PTPRN2: variants seen among roughly 807,000 people sequenced by gnomAD.
The protein encoded by PTPRN2 is receptor-type tyrosine-protein phosphatase N2.
A neutral mutation model predicts 118.8 loss-of-function variants in PTPRN2; 74 were observed. The observed-to-expected ratio is 0.62, with a 90% confidence interval of 0.52 to 0.76. The LOEUF (loss-of-function observed/expected upper bound fraction) is 0.76. PTPRN2 is among the 30% of genes least tolerant of loss of function. The probability of loss-of-function intolerance (pLI) is 0.00; values close to 1 mark genes in which losing one functional copy is unlikely to be tolerated. For missense variants in PTPRN2, 1,481 were observed against 1,394.4 expected, an observed-to-expected ratio of 1.06 and a Z score of -0.99; for synonymous variants, 641 against 608.0, an observed-to-expected ratio of 1.05 and a Z score of -0.80.
intron 12 of PTPRN2, among the ~76,000 whole-genome samples, chr7:157,769,774 C>G (rs1802690516): frequency 6.6e-6 from 1 of 152,242 alleles, no homozygotes; most frequent in South Asian, 2.1e-4. Context: ...ACCACAGCTC[C>G]CTCCCAGACC....
chr7:158,356,138 T>G (rs2151277724), intron 2 of PTPRN2, among the ~76,000 whole-genome samples: 1 of 152,322 alleles, frequency 6.6e-6, no homozygotes, highest in East Asian at 1.9e-4. Context: ...TTTTCACAGT[T>G]GGGATAAAGG....
intron 1 of PTPRN2, among the ~76,000 whole-genome samples, chr7:158,506,206 C>G (rs1376342025): frequency 6.6e-6 from 1 of 152,208 alleles, no homozygotes; most frequent in Admixed American, 6.5e-5. Flanking sequence ...CCCAGTGGAA[C>G]AGGCGGGCCA....
intron 12 of PTPRN2, chr7:157,865,441 C>T (rs1054145968): frequency 2.6e-5 from 4 of 152,224 alleles, no homozygotes; most frequent in African/African-American, 9.7e-5. Flanking sequence ...CACAGAGATG[C>T]TCATCCTCAT....
chr7:158,056,963 T>C (rs1251469855), intron 11 of PTPRN2, among the ~76,000 whole-genome samples: 1 of 152,146 alleles, frequency 6.6e-6, no homozygotes, highest in Admixed American at 6.5e-5. Context: ...TATCCGATGA[T>C]CAGCCACCTC....
At chr7:157,790,161 GGT>G (rs1245326707) in intron 12 of PTPRN2, among the ~76,000 whole-genome samples, 1 of 134,738 alleles carries the variant, frequency 7.4e-6, no homozygotes, top group African/African-American at 2.8e-5. Context: ...GTGTGAATGT[GGT>G]GTGTGTGGTG....
intron 2 of PTPRN2, among the ~76,000 whole-genome samples, chr7:158,440,852 TGGTGGTGGG>T (rs1816978373): frequency 9.2e-5 from 9 of 98,348 alleles, no homozygotes; most frequent in Admixed American, 4.8e-4. Context: ...GTGACGGGGG[TGGTGGTGGG>T]GGCAGTGGTA....
intron 12 of PTPRN2, among the ~76,000 whole-genome samples, chr7:157,837,978 A>G (rs1324909626): frequency 6.6e-6 from 1 of 151,604 alleles, no homozygotes; most frequent in Non-Finnish European, 1.5e-5. Flanking sequence ...CACGGGAGAA[A>G]GCTCCTCTCC....
chr7:157,633,205 A>T (rs1197766852), intron 14 of PTPRN2, among the ~76,000 whole-genome samples: 1 of 149,784 alleles, frequency 6.7e-6, no homozygotes, highest in East Asian at 2.0e-4. Context: ...CAGTGGTATG[A>T]TCTCAGCTCA....
At chr7:158,328,802 C>G (rs947856621) in intron 2 of PTPRN2, among the ~76,000 whole-genome samples, 4 of 150,940 alleles carry the variant, frequency 2.7e-5, no homozygotes, top group African/African-American at 4.9e-5. Flanking sequence ...TTCCCCCCCC[C>G]CCGCCACCCA....
At chr7:158,341,873 C>T (rs1275204156) in intron 2 of PTPRN2, among the ~76,000 whole-genome samples, 1 of 102,708 alleles carries the variant, frequency 9.7e-6, no homozygotes, top group Non-Finnish European at 1.9e-5. Context: ...GCCCCGCAGG[C>T]GTCACTCACA....
chr7:158,197,666 G>A (rs1004931512), intron 4 of PTPRN2, among the ~76,000 whole-genome samples: 1 of 152,170 alleles, frequency 6.6e-6, no homozygotes, highest in African/African-American at 2.4e-5. Context: ...GGAGGTCTCA[G>A]GAAACGTAAC....
intron 1 of PTPRN2, among the ~76,000 whole-genome samples, chr7:158,534,914 C>T (rs1177759768): frequency 6.6e-6 from 1 of 152,182 alleles, no homozygotes; most frequent in Non-Finnish European, 1.5e-5. Flanking sequence ...AGGTGGGGGT[C>T]TGGAAGTCCT....
chr7:158,542,969 G>A (rs1356856561), intron 1 of PTPRN2, among the ~76,000 whole-genome samples: 2 of 152,180 alleles, frequency 1.3e-5, no homozygotes, highest in African/African-American at 2.4e-5. Flanking sequence ...CAGCTCCCAC[G>A]TCCTCACCGC....
chr7:158,389,882 T>C (rs1811792739), intron 2 of PTPRN2, among the ~76,000 whole-genome samples: 1 of 152,250 alleles, frequency 6.6e-6, no homozygotes, highest in South Asian at 2.1e-4. Flanking sequence ...GGGATGTTAA[T>C]GGACACATCC....
chr7:157,899,722 T>C (rs1315523742), intron 11 of PTPRN2, among the ~76,000 whole-genome samples: 1 of 152,210 alleles, frequency 6.6e-6, no homozygotes, highest in African/African-American at 2.4e-5. Context: ...CTCCCTGCTG[T>C]TGGGGCCTCT....
chr7:157,592,863 G>A (rs529559857), intron 17 of PTPRN2, among the ~76,000 whole-genome samples: 12 of 143,372 alleles, frequency 8.4e-5, no homozygotes, highest in African/African-American at 1.3e-4. Flanking sequence ...CTGAATGGAG[G>A]GTGGATGTGG....
chr7:157,648,477 G>A (rs11773527), intron 14 of PTPRN2, among the ~76,000 whole-genome samples: 20,367 of 104,248 alleles, frequency 0.2, 742 homozygotes, highest in Non-Finnish European at 0.21. Context: ...CCCATCCAGC[G>A]TGCACTGAAC....
chr7:158,248,430 T>C (rs1796397453), intron 3 of PTPRN2, among the ~76,000 whole-genome samples: 1 of 152,196 alleles, frequency 6.6e-6, no homozygotes, highest in East Asian at 1.9e-4. Context: ...CCAGGAAGCT[T>C]GTTTCTCATT....
At chr7:158,248,774 G>A (rs57654631) in intron 3 of PTPRN2, among the ~76,000 whole-genome samples, 3,217 of 95,104 alleles carry the variant, frequency 0.034, 57 homozygotes, top group Middle Eastern at 0.1. Context: ...TGTGCACATC[G>A]CACACATCAC....
Sources: gnomAD v4.1 joint callset for allele counts (sites outside exome capture counted in the v4.1 genomes callset) on GRCh38, gnomAD v4.1.1 for gene constraint, MANE v1.5 for transcripts, NCBI Gene and HGNC (gene_info 2026-07-23, HGNC 2026-07-21) for gene names.